ALKBH8: variants seen among roughly 807,000 people sequenced by gnomAD.
ALKBH8 encodes alkB homolog 8, tRNA methyltransferase.
Under a neutral mutation model 59.8 loss-of-function variants are expected in ALKBH8, and 36 were observed. The observed-to-expected ratio is 0.60, with a 90% CI of 0.46 to 0.79. ALKBH8 has a LOEUF of 0.79. ALKBH8 is among the 30% of genes least tolerant of loss of function. The probability of loss-of-function intolerance (pLI) is 0.00; values close to 1 mark genes in which losing one functional copy is unlikely to be tolerated. For missense variants in ALKBH8, 768 were observed against 801.0 expected (o/e 0.96, Z 0.50); for synonymous variants, 276 against 273.6 (o/e 1.01, Z -0.09).
intron 7 of ALKBH8, among the ~76,000 whole-genome samples, chr11:107,539,888 A>G (rs1863968671): frequency 6.6e-6 from 1 of 152,206 alleles, no homozygotes; most frequent in Non-Finnish European, 1.5e-5. Context: ...AACAAGTTCT[A>G]TTCCCTTGTT....
chr11:107,514,910 G>C (rs1862797859), intron 10 of ALKBH8, among the ~76,000 whole-genome samples: 1 of 152,040 alleles, frequency 6.6e-6, no homozygotes, highest in African/African-American at 2.4e-5. Flanking sequence ...ACAGAACATG[G>C]AGAACAACAG....
chr11:107,520,570 G>C (rs942471209), intron 10 of ALKBH8, among the ~76,000 whole-genome samples: 11 of 152,128 alleles, frequency 7.2e-5, no homozygotes, highest in Admixed American at 6.6e-4. Context: ...ATTTTTGGAC[G>C]TATCTTTAGA....
intron 2 of ALKBH8, 146 bp downstream of exon 2, chr11:107,560,619 A>G (rs1292916952): frequency 1.5e-6 from 1 of 682,640 alleles, no homozygotes; most frequent in Non-Finnish European, 2.2e-6. Context: ...ATAGAAAGTT[A>G]GCAGTTCATA....
chr11:107,565,571 G>A (rs780724784), intron 1 of ALKBH8, 30 bp downstream of exon 1: 201 of 1,535,472 alleles, frequency 1.3e-4, no homozygotes, highest in Non-Finnish European at 1.6e-4. Context: ...TTTGCTGCCC[G>A]TATGCCCGCC....
chr11:107,526,253 C>A (rs928026194), intron 8 of ALKBH8, among the ~76,000 whole-genome samples: 4 of 151,934 alleles, frequency 2.6e-5, no homozygotes, highest in Non-Finnish European at 4.4e-5. Flanking sequence ...GAGTTCCAGG[C>A]TAGTTAACAT....
chr11:107,518,886 G>A (rs1020699128), intron 10 of ALKBH8, among the ~76,000 whole-genome samples: 1 of 152,166 alleles, frequency 6.6e-6, no homozygotes, highest in Admixed American at 6.5e-5. Flanking sequence ...TTGTGTGTGT[G>A]TCTTTAATTC....
At chr11:107,537,270 G>A (rs746808372) in intron 7 of ALKBH8, among the ~76,000 whole-genome samples, 2 of 152,098 alleles carry the variant, frequency 1.3e-5, no homozygotes, top group Non-Finnish European at 1.5e-5. Context: ...GTTTAAGTTT[G>A]GTGATTCCCA....
chr11:107,554,201 G>C (rs1173988280), intron 3 of ALKBH8, among the ~76,000 whole-genome samples: 3 of 152,140 alleles, frequency 2.0e-5, no homozygotes, highest in Admixed American at 1.3e-4. Context: ...AAACAGAACA[G>C]TATTTATTTA....
intron 3 of ALKBH8, 81 bp from the exon 4 acceptor site, chr11:107,554,059 T>C (rs1034913210): frequency 4.6e-6 from 7 of 1,526,210 alleles, no homozygotes; most frequent in Admixed American, 2.1e-5. Context: ...TAACTCTTTA[T>C]CAGTTCACAA....
chr11:107,515,666 A>C (rs1274155165), intron 10 of ALKBH8, among the ~76,000 whole-genome samples: 1 of 152,208 alleles, frequency 6.6e-6, no homozygotes. Flanking sequence ...CTATACTTTT[A>C]TATAATTTTT....
intron 9 of ALKBH8, 56 bp downstream of exon 9, chr11:107,525,385 G>C (rs1863306930): frequency 6.8e-7 from 1 of 1,462,600 alleles, no homozygotes; most frequent in African/African-American, 1.5e-5. Flanking sequence ...GGACCTTAAA[G>C]GACTTTTATA....
Position 107,509,390 on chromosome 11 carries a change from T to C in ALKBH8, c.1437+1497A>G, listed in dbSNP as rs189738821. On this transcript the variant is annotated intron_variant, in intron 11 of 11. Coordinates refer to ENST00000428149, the MANE Select transcript of ALKBH8 (RefSeq NM_138775.3). The stretch of plus-strand genomic sequence containing the variant: ...TGTATTTTTGTTGTTCTTTATATAT[T>C]ATGGATATTAATTCCTTATCAGATA... Among the ~76,000 whole-genome samples, 5 of 152,328 alleles carry C rather than the reference T, an allele frequency of 3.3e-5. No individual in the cohort carries two copies. In the East Asian group the frequency reaches 9.6e-4, roughly 29 times the overall value.
intron 3 of ALKBH8, among the ~76,000 whole-genome samples, chr11:107,555,278 C>A (rs991749226): frequency 6.6e-6 from 1 of 151,934 alleles, no homozygotes; most frequent in African/African-American, 2.4e-5. Context: ...ATAAAAAAAA[C>A]TATTTGTGAC....
chr11:107,516,789 T>G (rs1298324110), intron 10 of ALKBH8, among the ~76,000 whole-genome samples: 1 of 151,978 alleles, frequency 6.6e-6, no homozygotes, highest in Non-Finnish European at 1.5e-5. Context: ...GAGACAAAGG[T>G]GGGTGGATCA....
intron 3 of ALKBH8, among the ~76,000 whole-genome samples, chr11:107,554,237 T>A (rs1307279777): frequency 6.6e-6 from 1 of 152,196 alleles, no homozygotes; most frequent in Non-Finnish European, 1.5e-5. Context: ...CATGATGAAG[T>A]CACTTTTAAA....
chr11:107,510,651 C>T (rs528763033), intron 11 of ALKBH8, among the ~76,000 whole-genome samples: 265 of 152,136 alleles, frequency 1.7e-3, no homozygotes, highest in Middle Eastern at 6.8e-3. Context: ...AGGAAAGGGG[C>T]GAAAGCATGC....
At chr11:107,561,256 A>G (rs1032830577) in intron 1 of ALKBH8, among the ~76,000 whole-genome samples, 1 of 152,162 alleles carries the variant, frequency 6.6e-6, no homozygotes, top group Non-Finnish European at 1.5e-5. Context: ...AGGAGCAGGC[A>G]GGGGAGCGGT....
chr11:107,561,161 T>G (rs1864922417), intron 1 of ALKBH8, among the ~76,000 whole-genome samples: 1 of 152,184 alleles, frequency 6.6e-6, no homozygotes, highest in Admixed American at 6.5e-5. Context: ...GCTATTTTAC[T>G]CATAGGTGAT....
chr11:107,509,929 A>G (rs565050922), intron 11 of ALKBH8, among the ~76,000 whole-genome samples: 1 of 152,334 alleles, frequency 6.6e-6, no homozygotes, highest in African/African-American at 2.4e-5. Context: ...TTGTAGCTGA[A>G]GCAACCAATA....
Sources: gnomAD v4.1 joint callset for allele counts (sites outside exome capture counted in the v4.1 genomes callset) on GRCh38, gnomAD v4.1.1 for gene constraint, MANE v1.5 for transcripts, NCBI Gene and HGNC (gene_info 2026-07-23, HGNC 2026-07-21) for gene names.